The following TAFA1 variants were observed in gnomAD, a reference collection of about 807,000 sequenced individuals.
TAFA1 encodes chemokine-like protein TAFA-1.
TAFA1 carries 4 observed loss-of-function variants against 18.5 expected under a neutral mutation model. The ratio of observed to expected loss-of-function variants is 0.22; its 90% CI spans 0.11 to 0.49. TAFA1 has a LOEUF of 0.49. Ranked by LOEUF, TAFA1 falls within the 20% of genes least tolerant of loss-of-function variation. The probability of loss-of-function intolerance (pLI) is 0.98; values close to 1 mark genes in which losing one functional copy is unlikely to be tolerated. For missense variants in TAFA1, 147 were observed against 169.0 expected, an observed-to-expected ratio of 0.87 and a Z score of 0.72; for synonymous variants, 56 against 55.2, an observed-to-expected ratio of 1.01 and a Z score of -0.06.
At chr3:68,503,514 A>G (rs151185460) in intron 3 of TAFA1, among the ~76,000 whole-genome samples, 150 of 152,266 alleles carry the variant, frequency 9.9e-4, no homozygotes, top group African/African-American at 2.6e-3. Flanking sequence ...CTAGAGGTCA[A>G]TAGGGGCTGT....
intron 2 of TAFA1, among the ~76,000 whole-genome samples, chr3:68,029,240 C>A (rs1362141669): frequency 1.3e-5 from 2 of 152,152 alleles, no homozygotes; most frequent in African/African-American, 4.8e-5. Flanking sequence ...TTTCTGGAGG[C>A]TATCAGCCCA....
chr3:68,452,533 A>C (rs1459377930), intron 3 of TAFA1, among the ~76,000 whole-genome samples: 2 of 151,328 alleles, frequency 1.3e-5, no homozygotes, highest in Non-Finnish European at 3.0e-5. Context: ...AAAAAAAAAA[A>C]AAAAAAAACT....
intron 2 of TAFA1, among the ~76,000 whole-genome samples, chr3:68,080,338 G>C (rs1196966863): frequency 6.6e-6 from 1 of 151,844 alleles, no homozygotes; most frequent in Non-Finnish European, 1.5e-5. Flanking sequence ...TGTTATGTGT[G>C]AATTTGATCC....
chr3:68,434,103 T>C (rs1489173878), intron 3 of TAFA1, among the ~76,000 whole-genome samples: 2 of 152,186 alleles, frequency 1.3e-5, no homozygotes, highest in African/African-American at 4.8e-5. Context: ...TTTAATGTTA[T>C]AGAGGCTACA....
At chr3:68,524,381 A>G (rs2073073792) in intron 3 of TAFA1, among the ~76,000 whole-genome samples, 1 of 152,168 alleles carries the variant, frequency 6.6e-6, no homozygotes, top group African/African-American at 2.4e-5. Context: ...CTGGCAAAAT[A>G]GACTCTACTT....
chr3:68,201,005 A>G (rs1448017931), intron 2 of TAFA1, among the ~76,000 whole-genome samples: 2 of 151,576 alleles, frequency 1.3e-5, no homozygotes, highest in Non-Finnish European at 3.0e-5. Context: ...TATGCATTCA[A>G]TGCTGTAAAC....
At chr3:68,183,103 A>G (rs1691609766) in intron 2 of TAFA1, among the ~76,000 whole-genome samples, 1 of 152,166 alleles carries the variant, frequency 6.6e-6, no homozygotes, top group South Asian at 2.1e-4. Flanking sequence ...ATCAATCAAT[A>G]GTATACCTGC....
chr3:68,403,901 C>T (rs2070543567), intron 2 of TAFA1, among the ~76,000 whole-genome samples: 1 of 152,142 alleles, frequency 6.6e-6, no homozygotes, highest in Non-Finnish European at 1.5e-5. Context: ...ACAGTCAATG[C>T]CTCCTCCTCC....
At chr3:68,102,354 A>G (rs559760085) in intron 2 of TAFA1, among the ~76,000 whole-genome samples, 4 of 152,182 alleles carry the variant, frequency 2.6e-5, no homozygotes, top group Non-Finnish European at 5.9e-5. Flanking sequence ...TTAATTATCT[A>G]CTTCCCAGGT....
chr3:68,167,149 G>A (rs1207770205), intron 2 of TAFA1, among the ~76,000 whole-genome samples: 1 of 152,180 alleles, frequency 6.6e-6, no homozygotes, highest in African/African-American at 2.4e-5. Context: ...TAGTGCTGTG[G>A]TTGGGACATA....
At position 68,014,041 on chromosome 3, in the gene TAFA1, C is replaced by A. The variant is rs541110763; in HGVS notation, c.118+7297C>A. The stretch of plus-strand genomic sequence containing the variant: ...GGCATTTACCTTTACTATGCAGTTA[C>A]TAGACCTTCTTTTCTAGGTGTGCTT... On this transcript the variant is annotated intron_variant, in intron 2 of 4. Coordinates refer to ENST00000478136, the MANE Select transcript of TAFA1 (RefSeq NM_213609.4). Among the ~76,000 whole-genome samples, 6 of 152,320 alleles carry A rather than the reference C, an allele frequency of 3.9e-5. 1 individual carries two copies. The highest frequency in any genetic ancestry group is 9.6e-5 in the African/African-American group (4 of 41,568).
At chr3:68,326,632 A>C (rs369911081) in intron 2 of TAFA1, among the ~76,000 whole-genome samples, 2 of 152,308 alleles carry the variant, frequency 1.3e-5, no homozygotes, top group East Asian at 3.9e-4. Flanking sequence ...TGATATTTGA[A>C]AGAATACATA....
At chr3:68,519,250 C>T (rs865921720) in intron 3 of TAFA1, among the ~76,000 whole-genome samples, 1 of 152,178 alleles carries the variant, frequency 6.6e-6, no homozygotes, top group Non-Finnish European at 1.5e-5. Flanking sequence ...CAGTGAACTA[C>T]TTTGTCTCTT....
chr3:68,467,472 A>G (rs1313369250), intron 3 of TAFA1, among the ~76,000 whole-genome samples: 11 of 152,168 alleles, frequency 7.2e-5, no homozygotes, highest in Admixed American at 3.3e-4. Flanking sequence ...AAATTATTCA[A>G]TGATGCTTGT....
At chr3:68,375,905 A>C (rs1203439941) in intron 2 of TAFA1, among the ~76,000 whole-genome samples, 1 of 152,198 alleles carries the variant, frequency 6.6e-6, no homozygotes, top group African/African-American at 2.4e-5. Context: ...AAGTGAAAGA[A>C]TCTCTAAAGA....
At chr3:68,376,013 CA>C (rs1559640271) in intron 2 of TAFA1, among the ~76,000 whole-genome samples, 1 of 152,058 alleles carries the variant, frequency 6.6e-6, no homozygotes, top group Non-Finnish European at 1.5e-5. Context: ...TTTCATTGAC[CA>C]TCTACTCTGT....
chr3:68,211,850 T>C (rs1176994198), intron 2 of TAFA1, among the ~76,000 whole-genome samples: 1 of 152,002 alleles, frequency 6.6e-6, no homozygotes, highest in Non-Finnish European at 1.5e-5. Flanking sequence ...CTCTGGCCAT[T>C]GTTCACAGTG....
chr3:68,084,838 A>G (rs1310136333), intron 2 of TAFA1, among the ~76,000 whole-genome samples: 3 of 151,596 alleles, frequency 2.0e-5, no homozygotes, highest in African/African-American at 7.2e-5. Flanking sequence ...AACAAAAAGT[A>G]GCCCCCATAC....
intron 2 of TAFA1, among the ~76,000 whole-genome samples, chr3:68,065,738 G>GTATATA (rs1438316582): frequency 7.6e-6 from 1 of 131,954 alleles, no homozygotes; most frequent in African/African-American, 3.0e-5. Flanking sequence ...ATGTGTGTGT[G>GTATATA]TGTATATATA....
Sources: gnomAD v4.1 joint callset for allele counts (sites outside exome capture counted in the v4.1 genomes callset) on GRCh38, gnomAD v4.1.1 for gene constraint, MANE v1.5 for transcripts, NCBI Gene and HGNC (gene_info 2026-07-23, HGNC 2026-07-21) for gene names.